The following ZNF440 variants were observed in gnomAD, a reference collection of about 807,000 sequenced individuals.
ZNF440 encodes zinc finger protein 440.
ZNF440 carries 47 observed loss-of-function variants against 49.7 expected under a neutral mutation model. That is an observed-to-expected ratio of 0.95 (90% CI 0.75 to 1.21). The LOEUF (loss-of-function observed/expected upper bound fraction) is 1.21, where lower values mean the gene tolerates loss of function less well. ZNF440 is among the 50% of genes most tolerant of loss of function. The probability of loss-of-function intolerance (pLI) is 0.00; values close to 1 mark genes in which losing one functional copy is unlikely to be tolerated. For synonymous variants in ZNF440, 255 were observed against 237.7 expected, an observed-to-expected ratio of 1.07 and a Z score of -0.67; for missense variants, 703 against 715.0, an observed-to-expected ratio of 0.98 and a Z score of 0.19.
At chr19:11,828,846 G>A (rs139371257) in intron 1 of ZNF440, among the ~76,000 whole-genome samples, 26 of 151,934 alleles carry the variant, frequency 1.7e-4, no homozygotes, top group Admixed American at 5.9e-4. Context: ...CATTACACCC[G>A]GATAATTTTG....
intron 1 of ZNF440, among the ~76,000 whole-genome samples, chr19:11,819,008 A>C (rs1430862063): frequency 1.3e-5 from 2 of 152,104 alleles, no homozygotes; most frequent in African/African-American, 4.8e-5. Flanking sequence ...TCTACTACAG[A>C]GATCAGTAGT....
rs374666105 is a variant in ZNF440, at chr19:11,832,295, T to C, written c.1119T>C (p.Cys373=). 95 of 1,614,064 alleles carry C rather than the reference T, an allele frequency of 5.9e-5. 2 individuals carry two copies. In the South Asian group the frequency reaches 1.0e-3, roughly 17 times the overall value. The stretch of plus-strand genomic sequence containing the variant: ...AGAAACCCTATAAATGTAAGCAGTG[T>C]GGTAAAGCCTTCCCTCATTCCAGTT... ...SGEKPYKCKQ[C]GKAFPHSSSL... The change falls in exon 4 of 4, where the codon TGT becomes TGC. Residue 373 remains cysteine (C), a synonymous_variant. Transcript: ENST00000304060.
chr19:11,815,862 C>T (rs1975727182), intron 1 of ZNF440: 2 of 152,320 alleles, frequency 1.3e-5, no homozygotes, highest in Non-Finnish European at 2.9e-5. Flanking sequence ...AAGACGGCGT[C>T]ACTCCAGCCT....
intron 1 of ZNF440, among the ~76,000 whole-genome samples, chr19:11,824,443 A>G (rs1398595075): frequency 6.6e-6 from 1 of 152,140 alleles, no homozygotes; most frequent in Non-Finnish European, 1.5e-5. Flanking sequence ...ACTTTTCCTT[A>G]TACTTTCTCA....
chr19:11,815,326 A>ACACACACACACAC (rs1568237555), intron 1 of ZNF440, among the ~76,000 whole-genome samples: 30 of 150,426 alleles, frequency 2.0e-4, no homozygotes, highest in Middle Eastern at 3.4e-3. Context: ...ACACACACAC[A>ACACACACACACAC]AATTAAATAG....
intron 1 of ZNF440, among the ~76,000 whole-genome samples, chr19:11,817,945 C>T (rs1975752811): frequency 6.6e-6 from 1 of 151,996 alleles, no homozygotes; most frequent in Non-Finnish European, 1.5e-5. Flanking sequence ...TGTGGTGGCT[C>T]ACGCCTGTAA....
intron 1 of ZNF440, among the ~76,000 whole-genome samples, chr19:11,822,260 G>A (rs1039408643): frequency 1.3e-5 from 2 of 152,170 alleles, no homozygotes; most frequent in African/African-American, 4.8e-5. Context: ...ACCACATGGA[G>A]GAACTGGGAG....
In ZNF440 at chr19:11,814,341, G is replaced by A. The variant is rs144244526; in HGVS notation, c.-107G>A. ...ATCTCGGCTTTCTTGCTTCGAGAGG[G>A]ACTAGGTGCCTCCACCAGAGCTTCT... is the stretch of plus-strand genomic sequence containing the variant. On this transcript the variant is annotated 5_prime_UTR_variant, in exon 1 of 4. Transcript: ENST00000304060. 2 of 1,310,138 alleles carry A rather than the reference G, an allele frequency of 1.5e-6. No homozygotes were observed. Among genetic ancestry groups the A allele is most frequent in the Non-Finnish European group, 2.0e-6 (2 of 980,912 alleles). The allele number at this position is 1,310,138 out of a possible 1,614,324, so 81.2% of individuals were successfully genotyped here. A position where few individuals can be genotyped will look rare whatever the true frequency, so the allele number is the denominator to read the frequency against.
chr19:11,825,076 G>A (rs1451773222), intron 1 of ZNF440, among the ~76,000 whole-genome samples: 1 of 151,884 alleles, frequency 6.6e-6, no homozygotes, highest in Non-Finnish European at 1.5e-5. Context: ...CTACCACTTA[G>A]GTAGGCCAAA....
Position 11,834,091 on chromosome 19 carries a change from C to A in ZNF440, c.*1127C>A, listed in dbSNP as rs598006. On this transcript the variant is annotated 3_prime_UTR_variant, in exon 4 of 4. Transcript: ENST00000304060. ...TTCGAAAATTTTACTTTTCATGCTT[C>A]TGTACTTACATTTTTATCTCAACCT... is the stretch of plus-strand genomic sequence containing the variant. The A allele has an allele frequency of 0.39, 112,582 of 292,124 alleles. 22,743 individuals carry two copies. The highest frequency in any genetic ancestry group is 0.51 in the African/African-American group (23,002 of 45,424). The allele number at this position is 292,124 out of a possible 1,614,324, so 18.1% of individuals were successfully genotyped here.
chr19:11,826,331 T>G (rs376798010), intron 1 of ZNF440, among the ~76,000 whole-genome samples: 4 of 152,154 alleles, frequency 2.6e-5, no homozygotes, highest in Non-Finnish European at 5.9e-5. Flanking sequence ...TTTTTTTTTT[T>G]TAAGACTCAC....
At chr19:11,830,515 A>C in intron 2 of ZNF440, 102 bp from the exon 3 acceptor site, 2 of 1,600,110 alleles carry the variant, frequency 1.2e-6, no homozygotes, top group African/African-American at 2.7e-5. Context: ...ACTTTGATGA[A>C]TAAATGAGGT....
chr19:11,828,769 C>A (rs1337475051), intron 1 of ZNF440, among the ~76,000 whole-genome samples: 3 of 151,602 alleles, frequency 2.0e-5, no homozygotes, highest in African/African-American at 7.3e-5. Context: ...ACCACAACCT[C>A]CACCTCCCAG....
intron 1 of ZNF440, chr19:11,817,608 A>T (rs1975748405): frequency 6.6e-6 from 1 of 152,110 alleles, no homozygotes; most frequent in Non-Finnish European, 1.5e-5. Context: ...AAAAACAAAA[A>T]CAAAACAAAC....
intron 1 of ZNF440, among the ~76,000 whole-genome samples, chr19:11,826,662 CT>C (rs112043377): frequency 0.047 from 6,727 of 141,994 alleles, 301 homozygotes; most frequent in African/African-American, 0.13. Context: ...ATTTTTTTTC[CT>C]TTTTTTTTTT....
rs199958418 is a variant in ZNF440 at position 11,831,471 on chromosome 19, G to A, written c.295G>A (p.Ala99Thr). 3.7e-4 allele frequency: 597 copies of A among 1,613,828 alleles called. 4 individuals are homozygous for A. Among genetic ancestry groups the A allele is most frequent in the Admixed American group, 1.7e-4 (10 of 59,998 alleles). ...DDRLNFQEKK[A>T]SPEVKSCESF... The stretch of plus-strand genomic sequence containing the variant: ...CAGACTGAACTTCCAGGAGAAGAAA[G>A]CTTCTCCTGAAGTAAAATCATGTGA... The change falls in exon 4 of 4, where the codon GCT becomes ACT. Residue 99 changes from alanine to threonine, a missense_variant. Ala to Thr is a moderately conservative substitution (Grantham distance 58, BLOSUM62 0). Transcript: ENST00000304060.
At chr19:11,824,188 AAAAAAAAAAAAAAG>A (rs922051643) in intron 1 of ZNF440, among the ~76,000 whole-genome samples, 2 of 149,654 alleles carry the variant, frequency 1.3e-5, no homozygotes, top group Non-Finnish European at 3.0e-5. Flanking sequence ...GTTTCAAAAA[AAAAAAAAAAAAAAG>A]AAAAGAAAAG....
rs548258490 is a variant in ZNF440, at chr19:11,814,526, C to T, written c.3+76C>T. 1,891 of 1,380,200 alleles carry T rather than the reference C, an allele frequency of 1.4e-3. 3 individuals carry two copies. Among genetic ancestry groups the T allele is most frequent in the Non-Finnish European group, 1.7e-3 (1,809 of 1,060,714 alleles). 85.5% of individuals were successfully genotyped at this position (1,380,200 alleles called of 1,614,324 possible). ...GGCCGGAACCGGCTGAGGCGGGACC[C>T]GGGCCTCCACGCGGCGACTCCGGGG... On this transcript the variant is annotated intron_variant, in intron 1 of 3. Transcript: ENST00000304060.
intron 2 of ZNF440, 57 bp downstream of exon 2, chr19:11,830,466 A>G: frequency 9.3e-6 from 15 of 1,609,380 alleles, no homozygotes; most frequent in Non-Finnish European, 1.2e-5. Context: ...TTTCTAGCTC[A>G]TTAATGCTGT....
Sources: allele counts gnomAD v4.1 joint callset (sites outside exome capture counted in the v4.1 genomes callset), GRCh38; gene constraint gnomAD v4.1.1; transcripts MANE v1.5; gene names NCBI Gene and HGNC (gene_info 2026-07-23, HGNC 2026-07-21).